DNHD1: variants seen among roughly 807,000 people sequenced by gnomAD.
The protein encoded by DNHD1 is dynein heavy chain domain 1.
Under a neutral mutation model 458.1 loss-of-function variants are expected in DNHD1, and 383 were observed. The observed-to-expected ratio is 0.84, with a 90% CI of 0.77 to 0.91. The LOEUF (loss-of-function observed/expected upper bound fraction) is 0.91, where lower values mean the gene tolerates loss of function less well. Ranked by LOEUF, DNHD1 falls within the 40% of genes least tolerant of loss-of-function variation. The pLI is 0.00. For missense variants in DNHD1, 5,336 were observed against 5,866.1 expected (o/e 0.91, Z 2.95); for synonymous variants, 2,203 against 2,376.9 (o/e 0.93, Z 2.13).
At position 6,546,612 on chromosome 11, in the gene DNHD1, C is replaced by T. The variant is rs757806999; in HGVS notation, c.5673C>T (p.Thr1891=). ...ACACAATACGGACACTAAATGTGAC[C>T]AAGGAGGAACCGAAGTGCCAGAAGC... The part of the protein sequence containing the change: ...LEDTIRTLNV[T]KEEPKCQKPR... The change falls in exon 21 of 43, where the codon ACC becomes ACT. Residue 1891 remains threonine (T), a synonymous_variant. Transcript: ENST00000254579. 6.4e-7 allele frequency: 1 copy of T among 1,551,736 alleles called. No individual in the cohort carries two copies.
intron 7 of DNHD1, 74 bp from the exon 8 acceptor site, chr11:6,519,526 G>A: frequency 3.8e-6 from 6 of 1,560,140 alleles, no homozygotes; most frequent in Non-Finnish European, 4.4e-6. Flanking sequence ...AGACCTGAGA[G>A]TTTGCACAGA....
intron 24 of DNHD1, among the ~76,000 whole-genome samples, chr11:6,554,093 C>T (rs1446311892): frequency 6.6e-6 from 1 of 152,044 alleles, no homozygotes; most frequent in Non-Finnish European, 1.5e-5. Flanking sequence ...ACTTGCTATA[C>T]AGTTGTTGTA....
rs1165374198 is a variant in DNHD1 at position 6,558,640 on chromosome 11, C to T, written c.9158C>T (p.Ala3053Val). The change falls in exon 26 of 43, where the codon GCC (alanine) becomes GTC (valine). Residue 3053 changes from alanine (A) to valine (V), a missense_variant. This residue lies in a region of DNHD1 where 3,932 missense variants were observed against 4,365.6 expected (regional missense o/e 0.90). Coordinates refer to ENST00000254579, the MANE Select transcript of DNHD1 (RefSeq NM_144666.3). The part of the protein sequence containing the change: ...RYEPWDQAAL[A>V]KVAQHHLEGA... The stretch of plus-strand genomic sequence containing the variant: ...GAACCCTGGGACCAAGCTGCCCTGG[C>T]CAAGGTGGCCCAGCATCACCTGGAG... 1 of 1,551,564 alleles carries T rather than the reference C, an allele frequency of 6.4e-7. No individual in the cohort carries two copies. Among genetic ancestry groups the T allele is most frequent in the Non-Finnish European group, 8.7e-7 (1 of 1,146,996 alleles).
chr11:6,502,000 T>C (rs1852146467), intron 3 of DNHD1, among the ~76,000 whole-genome samples: 1 of 152,154 alleles, frequency 6.6e-6, no homozygotes, highest in Admixed American at 6.5e-5. Flanking sequence ...CAGTTAATGA[T>C]ACTGGTATAT....
Position 6,545,561 on chromosome 11 carries a change from G to T in DNHD1, c.4622G>T (p.Arg1541Leu). Residue 1541 changes from arginine (R) to leucine (L), a missense_variant, in exon 21 of 43, where the codon CGC becomes CTC. Arg to Leu is a moderately radical substitution (Grantham distance 102, BLOSUM62 -2). Transcript: ENST00000254579. This position sits in a 1 kb window ranked among gnomAD's most constrained non-coding sequence, Gnocchi z 4.9. ...GTLAMVSMHMRKLEVLVNFMR... is the reference protein window; with the variant it reads ...GTLAMVSMHMLKLEVLVNFMR... Reference sequence around the variant, plus strand: ...CTGGCCATGGTCTCCATGCATATGCGCAAGCTTGAGGTACTGGTGAATTTT... The same window carrying T: ...CTGGCCATGGTCTCCATGCATATGCTCAAGCTTGAGGTACTGGTGAATTTT... 2 of 1,552,058 alleles carry T rather than the reference G, an allele frequency of 1.3e-6. No homozygotes were observed. Among genetic ancestry groups the T allele is most frequent in the Non-Finnish European group, 1.7e-6 (2 of 1,147,070 alleles).
Position 6,545,784 on chromosome 11 carries a change from C to T in DNHD1, c.4845C>T (p.Ile1615=). Residue 1615 remains isoleucine, a synonymous_variant, in exon 21 of 43, where the codon ATC becomes ATT. Coordinates refer to ENST00000254579, the MANE Select transcript of DNHD1 (RefSeq NM_144666.3). This position sits in a 1 kb window ranked among gnomAD's most constrained non-coding sequence, Gnocchi z 4.9. ...LKYHLGSPHI[I]PKSPLQSLKT... is the part of the protein sequence containing the mutation. ...ATCACTTGGGTTCACCTCACATAATCCCCAAAAGCCCCCTACAGAGTCTTA... is the reference window on the plus strand; with the variant it reads ...ATCACTTGGGTTCACCTCACATAATTCCCAAAAGCCCCCTACAGAGTCTTA... The T allele has an allele frequency of 6.4e-7, 1 of 1,551,794 alleles. No homozygotes were observed. The highest frequency in any genetic ancestry group is 2.4e-5 in the East Asian group (1 of 40,918).
rs540958445 is a variant in DNHD1 at position 6,503,201 on chromosome 11, T to G, written c.920+275T>G. ...CTTTCTTTTTTATTCTATCCTAGAA[T>G]GATAGAAACATTTGTTCACAGCCTT... On this transcript the variant is annotated intron_variant, in intron 4 of 42. Coordinates refer to ENST00000254579, the MANE Select transcript of DNHD1 (RefSeq NM_144666.3). The G allele has an allele frequency of 1.3e-4, 45 of 359,652 alleles. No homozygotes were observed. The South Asian group carries it at 2.2e-3, about 17-fold the overall frequency. 22.3% of individuals were successfully genotyped at this position (359,652 alleles called of 1,614,324 possible).
At chr11:6,565,663 A>G in intron 32 of DNHD1, 32 bp from the exon 33 acceptor site, 5 of 1,515,682 alleles carry the variant, frequency 3.3e-6, no homozygotes, top group Non-Finnish European at 4.4e-6. Context: ...TTCCTCCCCT[A>G]AGAAGAGCTC....
Position 6,567,243 on chromosome 11 carries a change from G to C in DNHD1, c.11734G>C (p.Ala3912Pro), listed in dbSNP as rs760424220. 1 of 1,613,984 alleles carries C rather than the reference G, an allele frequency of 6.2e-7. No individual in the cohort carries two copies. Residue 3912 changes from alanine (A) to proline (P), a missense_variant, in exon 36 of 43, where the codon GCA becomes CCA. Physicochemically the swap from Ala to Pro is conservative, Grantham distance 27 (BLOSUM62 -1). Coordinates refer to ENST00000254579, the MANE Select transcript of DNHD1 (RefSeq NM_144666.3). The stretch of plus-strand genomic sequence containing the variant: ...GGCCAGCCATCTACTGCAATTGAGA[G>C]CACACCTGACCCGCCAGCTGCTGGG... ...DLASHLLQLR[A>P]HLTRQLLGST...
At chr11:6,511,043 C>A (rs1044447635) in intron 6 of DNHD1, among the ~76,000 whole-genome samples, 2 of 152,208 alleles carry the variant, frequency 1.3e-5, no homozygotes, top group African/African-American at 4.8e-5. Flanking sequence ...TAAGCACTTG[C>A]ACATACCCCA....
Position 6,548,927 on chromosome 11 carries a change from A to G in DNHD1, c.7381A>G (p.Thr2461Ala). 6.4e-7 allele frequency: 1 copy of G among 1,551,522 alleles called. No homozygotes were observed. The highest frequency in any genetic ancestry group is 8.7e-7 in the Non-Finnish European group (1 of 1,146,932). The change falls in exon 24 of 43, where the codon ACT becomes GCT. Residue 2461 changes from threonine (T) to alanine (A), a missense_variant. Physicochemically the swap from Thr to Ala is moderately conservative, Grantham distance 58. Coordinates refer to ENST00000254579, the MANE Select transcript of DNHD1 (RefSeq NM_144666.3). This position sits in a 1 kb window ranked among gnomAD's most constrained non-coding sequence, Gnocchi z 4.4. Reference sequence around the variant, plus strand: ...CTTGCTGGAGGACCTGCACCTAGCCACTTCTGGTGAGGAGCTGCGAAGAGG... The same window carrying G: ...CTTGCTGGAGGACCTGCACCTAGCCGCTTCTGGTGAGGAGCTGCGAAGAGG... ...LFLLEDLHLA[T>A]SDPEKSCQPV...
At position 6,547,451 on chromosome 11, in the gene DNHD1, A is replaced by G. The variant is rs921189030; in HGVS notation, c.6512A>G (p.Gln2171Arg). Reference sequence around the variant, plus strand: ...TCCCTTCCTTATGAGTACCGCCTGCAGCACCGGACAGTCGCTGAGCTCAAC... The same window carrying G: ...TCCCTTCCTTATGAGTACCGCCTGCGGCACCGGACAGTCGCTGAGCTCAAC... The part of the protein sequence containing the change: ...MASLPYEYRL[Q>R]HRTVAELNHM... The change falls in exon 21 of 43, where the codon CAG (glutamine) becomes CGG (arginine). Residue 2171 changes from glutamine (Q) to arginine (R), a missense_variant. Physicochemically the swap from Gln to Arg is conservative, Grantham distance 43. Around this residue, in one of 4 missense-constraint regions of DNHD1, gnomAD observed 3,932 missense variants for 4,365.6 expected, o/e 0.90. Transcript: ENST00000254579. 3.2e-6 allele frequency: 5 copies of G among 1,551,290 alleles called. No homozygotes were observed. The Admixed American group carries it at 7.8e-5, about 24-fold the overall frequency.
At chr11:6,569,004 C>A in intron 39 of DNHD1, 138 bp downstream of exon 39, 1 of 1,074,632 alleles carries the variant, frequency 9.3e-7, no homozygotes, top group Non-Finnish European at 1.3e-6. Flanking sequence ...AGGAAGGCTT[C>A]TCCAAAGACT....
rs754376063 is a variant in DNHD1, at chr11:6,534,179, G to A, written c.2998+6G>A. The A allele has an allele frequency of 6.7e-5, 104 of 1,549,942 alleles. No individual in the cohort carries two copies. The highest frequency in any genetic ancestry group is 1.2e-4 in the Admixed American group (6 of 50,958). The stretch of plus-strand genomic sequence containing the variant: ...CGCCTATGCCATCTTCACTGGTACT[G>A]AGGATCCCTGCACCCTCCATTATCA... On this transcript the variant is annotated splice_donor_region_variant and intron_variant, in intron 14 of 42. Coordinates refer to ENST00000254579, the MANE Select transcript of DNHD1 (RefSeq NM_144666.3).
In DNHD1 at chr11:6,558,241, C is replaced by T; in HGVS notation, c.8946C>T (p.Leu2982=). The T allele has an allele frequency of 2.6e-6, 4 of 1,551,648 alleles. No homozygotes were observed. Among genetic ancestry groups the T allele is most frequent in the Non-Finnish European group, 3.5e-6 (4 of 1,146,998 alleles). Residue 2982 remains leucine (L), a synonymous_variant, in exon 25 of 43, where the codon CTC becomes CTT. Transcript: ENST00000254579. ...ATTTGGACCGCATTGGAGAACACCT[C>T]CCCAGGGAGAACCTTGGTGTCAAAC... ...EADLDRIGEH[L]PRENLGVKQN...
At chr11:6,558,389 C>T (rs772727541) in intron 25 of DNHD1, 92 bp downstream of exon 25, 2 of 1,533,812 alleles carry the variant, frequency 1.3e-6, no homozygotes, top group Non-Finnish European at 8.8e-7. Context: ...GCCATGAGGG[C>T]TGAGAAGATT....
At chr11:6,543,584 G>A (rs2134425383) in intron 18 of DNHD1, among the ~76,000 whole-genome samples, 1 of 152,256 alleles carries the variant, frequency 6.6e-6, no homozygotes, top group Middle Eastern at 3.4e-3. Flanking sequence ...CAGTGCCTTG[G>A]GAAAGGAGGA....
rs1853655007 is a variant in DNHD1 at position 6,564,498 on chromosome 11, C to T, written c.10450C>T (p.Gln3484Ter). The change falls in exon 32 of 43, where the codon CAG (glutamine) becomes TAG (stop). Residue 3484 changes from glutamine (Q) to a stop codon, truncating the protein, a stop_gained. Transcript: ENST00000254579. LOFTEE classifies it high-confidence loss of function. ...GGCTCTGGGCCCAGATGATGTGGCA[C>T]AGGCACTGAAGCGGAAGCAAAAATC... ...QEALGPDDVA[Q>*]ALKRKQKSVS... is the part of the protein sequence containing the mutation. 1.0e-5 allele frequency: 16 copies of T among 1,551,692 alleles called. No homozygotes were observed. Among genetic ancestry groups the T allele is most frequent in the Non-Finnish European group, 1.4e-5 (16 of 1,146,990 alleles).
chr11:6,499,528 CTGGCCCCTTGAGTGATA>C (rs1852094790), intron 3 of DNHD1, among the ~76,000 whole-genome samples: 3 of 152,134 alleles, frequency 2.0e-5, no homozygotes, highest in African/African-American at 7.2e-5. Flanking sequence ...TGTGGGCACT[CTGGCCCCTTGAGTGATA>C]TATTTTTCTT....
Sources: allele counts gnomAD v4.1 joint callset (sites outside exome capture counted in the v4.1 genomes callset), GRCh38; gene constraint gnomAD v4.1.1; regional missense constraint gnomAD v4.1.1; non-coding constraint Gnocchi (gnomAD v3.1); transcripts MANE v1.5; gene names NCBI Gene and HGNC (gene_info 2026-07-23, HGNC 2026-07-21).